CNTN4: variants seen among roughly 807,000 people sequenced by gnomAD.
CNTN4 encodes contactin-4.
CNTN4 carries 77 observed loss-of-function variants against 122.5 expected under a neutral mutation model. The ratio of observed to expected loss-of-function variants is 0.63; its 90% confidence interval spans 0.52 to 0.76. The LOEUF is 0.76. CNTN4 is among the 30% of genes least tolerant of loss of function. The pLI, the probability that CNTN4 is intolerant of heterozygous loss-of-function variation, is 0.00. For synonymous variants in CNTN4, 512 were observed against 447.0 expected (o/e 1.15, Z -1.83); for missense variants, 1,256 against 1,259.1 (o/e 1.00, Z 0.04).
At position 2,828,144 on chromosome 3, in the gene CNTN4, C is replaced by A. The variant is rs140609975; in HGVS notation, c.454+8563C>A. Among the ~76,000 whole-genome samples the A allele has an allele frequency of 9.2e-4, 139 of 150,880 alleles. 1 individual carries two copies. The highest frequency in any genetic ancestry group is 3.2e-3 in the African/African-American group (133 of 41,154). ...GTGTTTGTGTATGTGTGTGTGTGTG[C>A]GTGTGTGTATAATGAGAGAAGTGCC... On this transcript the variant is annotated intron_variant, in intron 7 of 24. Coordinates refer to ENST00000418658, the MANE Select transcript of CNTN4 (RefSeq NM_175607.3).
At chr3:3,031,044 A>G in intron 16 of CNTN4, 69 bp downstream of exon 16, 1 of 1,594,864 alleles carries the variant, frequency 6.3e-7, no homozygotes, top group Non-Finnish European at 8.6e-7. Flanking sequence ...GCAGAGTTCC[A>G]GAAACCTCAG....
At chr3:2,442,583 A>G (rs1394897163) in intron 3 of CNTN4, among the ~76,000 whole-genome samples, 3 of 146,112 alleles carry the variant, frequency 2.1e-5, no homozygotes, top group African/African-American at 7.4e-5. Context: ...CCCATCCCTA[A>G]CACACACACA....
rs397988483 is a variant in CNTN4, at chr3:2,520,259, C to CTTTTTTTT, written c.-88-51133_-88-51126dup. Among the ~76,000 whole-genome samples, 81 of 74,464 alleles carry CTTTTTTTT rather than the reference C, an allele frequency of 1.1e-3. 10 individuals carry two copies. The highest frequency in any genetic ancestry group is 4.0e-3 in the African/African-American group (56 of 13,848). The allele number at this position is 74,464 out of a possible 152,430, so 48.9% of individuals were successfully genotyped here. On this transcript the variant is annotated intron_variant, in intron 3 of 24. Coordinates refer to ENST00000418658, the MANE Select transcript of CNTN4 (RefSeq NM_175607.3). ...AAAAAGATAGGTTGGTGATTGCTTC[C>CTTTTTTTT]TTTTTTTTTTTTTTTTTTTTTTTTT...
chr3:2,138,164 T>G (rs2034803312), intron 2 of CNTN4, among the ~76,000 whole-genome samples: 1 of 151,838 alleles, frequency 6.6e-6, no homozygotes, highest in Non-Finnish European at 1.5e-5. Flanking sequence ...CTTCCCGGGT[T>G]CAAGTGATTC....
At chr3:2,659,807 G>A (rs2083787876) in intron 4 of CNTN4, among the ~76,000 whole-genome samples, 1 of 152,142 alleles carries the variant, frequency 6.6e-6, no homozygotes, top group African/African-American at 2.4e-5. Flanking sequence ...ATGTGGTGAT[G>A]TTTGAACTCA....
At chr3:2,759,711 C>T (rs2090500040) in intron 6 of CNTN4, among the ~76,000 whole-genome samples, 1 of 103,694 alleles carries the variant, frequency 9.6e-6, no homozygotes, top group Admixed American at 9.2e-5. Flanking sequence ...GAGACTCTGT[C>T]TCAAAAAAAA....
intron 13 of CNTN4, among the ~76,000 whole-genome samples, chr3:2,986,619 A>G (rs570936999): frequency 6.6e-6 from 1 of 152,314 alleles, no homozygotes; most frequent in Admixed American, 6.5e-5. Flanking sequence ...TGTTTTTATA[A>G]TGCTTGCTCA....
chr3:2,716,736 A>C (rs1252097944), intron 4 of CNTN4, among the ~76,000 whole-genome samples: 1 of 152,108 alleles, frequency 6.6e-6, no homozygotes, highest in Admixed American at 6.5e-5. Context: ...GAATATTTCC[A>C]TTACCCCCAA....
intron 3 of CNTN4, among the ~76,000 whole-genome samples, chr3:2,353,879 AC>A (rs2044752929): frequency 6.6e-6 from 1 of 152,132 alleles, no homozygotes; most frequent in Admixed American, 6.5e-5. Flanking sequence ...AGCCTGGGCG[AC>A]AGAGCGAGAC....
chr3:2,503,315 T>A (rs1020347122), intron 3 of CNTN4, among the ~76,000 whole-genome samples: 2 of 152,072 alleles, frequency 1.3e-5, no homozygotes, highest in African/African-American at 2.4e-5. Flanking sequence ...TAGTAAGATA[T>A]TAGTTGTAGA....
At chr3:2,885,383 A>G (rs1214260706) in intron 9 of CNTN4, among the ~76,000 whole-genome samples, 2 of 152,126 alleles carry the variant, frequency 1.3e-5, no homozygotes, top group Non-Finnish European at 2.9e-5. Context: ...TCTTTCTCTC[A>G]CTATTTTAAG....
At chr3:2,861,165 G>C (rs1053496189) in intron 7 of CNTN4, among the ~76,000 whole-genome samples, 1 of 152,150 alleles carries the variant, frequency 6.6e-6, no homozygotes, top group Non-Finnish European at 1.5e-5. Context: ...TGAGAAAACT[G>C]AGGAATAGAA....
chr3:2,267,074 A>G (rs2041080667), intron 2 of CNTN4, among the ~76,000 whole-genome samples: 1 of 152,106 alleles, frequency 6.6e-6, no homozygotes, highest in Non-Finnish European at 1.5e-5. Context: ...TTCCTTTCAA[A>G]TATGTAAAGA....
chr3:2,867,336 A>T (rs986647511), intron 8 of CNTN4, among the ~76,000 whole-genome samples: 5 of 152,206 alleles, frequency 3.3e-5, no homozygotes, highest in African/African-American at 4.8e-5. Context: ...TATCCAAATA[A>T]CTTCTGGATG....
intron 3 of CNTN4, among the ~76,000 whole-genome samples, chr3:2,390,899 A>C (rs1317820151): frequency 1.3e-5 from 2 of 152,218 alleles, no homozygotes; most frequent in African/African-American, 4.8e-5. Flanking sequence ...TTGTACTCAA[A>C]AATGGCATTT....
At chr3:2,556,332 C>A (rs140772187) in intron 3 of CNTN4, among the ~76,000 whole-genome samples, 1 of 152,128 alleles carries the variant, frequency 6.6e-6, no homozygotes, top group Non-Finnish European at 1.5e-5. Flanking sequence ...AATATACAAA[C>A]GTTTAATTAC....
chr3:2,155,800 C>T lies in CNTN4; in HGVS notation c.-145+55161C>T, dbSNP rs1012985200. Among the ~76,000 whole-genome samples the T allele has an allele frequency of 7.2e-5, 11 of 152,262 alleles. No homozygotes were observed. The South Asian group carries it at 8.3e-4, about 11-fold the overall frequency. ...AGTCTTTGAACTGTGGTGCGTTTTA[C>T]GTGAAATACCTCCAAATGATTCTTG... On this transcript the variant is annotated intron_variant, in intron 2 of 24. Coordinates refer to ENST00000418658, the MANE Select transcript of CNTN4 (RefSeq NM_175607.3).
In CNTN4 at chr3:2,582,009, C is replaced by T. The variant is rs143815100; in HGVS notation, c.55+10451C>T. Among the ~76,000 whole-genome samples, 941 of 152,238 alleles carry T rather than the reference C, an allele frequency of 6.2e-3. 8 individuals carry two copies. Among genetic ancestry groups the T allele is most frequent in the Admixed American group, 7.5e-3 (114 of 15,290 alleles). Reference sequence around the variant, plus strand: ...CCAAGGAGTGAGGGAGGATAAGGAACGACTGCTGTTGGATATGTGATGTCT... The same window carrying T: ...CCAAGGAGTGAGGGAGGATAAGGAATGACTGCTGTTGGATATGTGATGTCT... On this transcript the variant is annotated intron_variant, in intron 4 of 24. Coordinates refer to ENST00000418658, the MANE Select transcript of CNTN4 (RefSeq NM_175607.3).
At chr3:2,514,898 C>T (rs1396703924) in intron 3 of CNTN4, among the ~76,000 whole-genome samples, 1 of 151,908 alleles carries the variant, frequency 6.6e-6, no homozygotes, top group East Asian at 1.9e-4. Context: ...TTTCTTCCTC[C>T]CTTTTTCTTC....
Sources: gnomAD v4.1 joint callset for allele counts (sites outside exome capture counted in the v4.1 genomes callset) on GRCh38, gnomAD v4.1.1 for gene constraint, MANE v1.5 for transcripts, NCBI Gene and HGNC (gene_info 2026-07-23, HGNC 2026-07-21) for gene names.